PHF14: variants seen among roughly 807,000 people sequenced by gnomAD.
PHF14 encodes PHD finger protein 14.
A neutral mutation model predicts 117.9 loss-of-function variants in PHF14; 55 were observed. That is an observed-to-expected ratio of 0.47 (90% CI 0.38 to 0.58). The LOEUF (loss-of-function observed/expected upper bound fraction) is 0.58, where lower values mean the gene tolerates loss of function less well. PHF14 is among the 20% of genes least tolerant of loss of function. The pLI is 0.00. For synonymous variants in PHF14, 409 were observed against 368.6 expected (o/e 1.11, Z -1.26); for missense variants, 978 against 1,122.2 (o/e 0.87, Z 1.84).
intron 5 of PHF14, among the ~76,000 whole-genome samples, chr7:11,015,553 C>A (rs1783505534): frequency 6.6e-6 from 1 of 151,742 alleles, no homozygotes; most frequent in Admixed American, 6.6e-5. Flanking sequence ...GTTGGACTGT[C>A]TATGTTTGGA....
Position 10,985,636 on chromosome 7 carries a change from C to CCGGTT in PHF14, c.900+2477_900+2478insCGGTT, listed in dbSNP as rs750860479. Among the ~76,000 whole-genome samples the CCGGTT allele has an allele frequency of 2.2e-4, 20 of 90,862 alleles. 1 individual carries two copies. The East Asian group carries it at 3.7e-3, about 17-fold the overall frequency. 59.6% of individuals were successfully genotyped at this position (90,862 alleles called of 152,430 possible). ...ATACTCTCTAGCAGTGATTCTCAAA[C>CCGGTT]TGTTTTTTTTTTTTTTTTTTTTTTT... On this transcript the variant is annotated intron_variant, in intron 3 of 17. Coordinates refer to ENST00000634607, the MANE Select transcript of PHF14 (RefSeq NM_001007157.2).
At chr7:11,037,712 G>C (rs933075335) in intron 10 of PHF14, among the ~76,000 whole-genome samples, 5 of 152,116 alleles carry the variant, frequency 3.3e-5, no homozygotes, top group African/African-American at 1.2e-4. Flanking sequence ...AGTATAACTT[G>C]ACATATAAAA....
chr7:11,102,994 A>G, intron 16 of PHF14: 2 of 995,288 alleles, frequency 2.0e-6, no homozygotes, highest in South Asian at 8.9e-5. Flanking sequence ...ACAAACAAGA[A>G]AGACAATGCA....
At chr7:11,079,607 A>C (rs762510892) in intron 16 of PHF14, among the ~76,000 whole-genome samples, 18 of 152,150 alleles carry the variant, frequency 1.2e-4, no homozygotes, top group Non-Finnish European at 2.4e-4. Context: ...TCTTCATTAA[A>C]AAGAAACCAA....
At chr7:11,067,537 G>A (rs1785464286) in intron 16 of PHF14, among the ~76,000 whole-genome samples, 1 of 152,214 alleles carries the variant, frequency 6.6e-6, no homozygotes, top group Admixed American at 6.5e-5. Flanking sequence ...ATTCACAATA[G>A]CCAAAAGGTG....
intron 16 of PHF14, chr7:11,105,548 G>A (rs939795771): frequency 1.0e-6 from 1 of 979,764 alleles, no homozygotes; most frequent in Non-Finnish European, 1.2e-6. Flanking sequence ...ATTTAAAAAT[G>A]GCAATTGAAA....
rs549139223 is a variant in PHF14 at position 11,152,547 on chromosome 7, A to G, written c.2773-16869A>G. Reference sequence around the variant, plus strand: ...TTATTTACTTGATTCCCATGCTTCTATATAGTAAGGAATTCATTCATATAT... The same window carrying G: ...TTATTTACTTGATTCCCATGCTTCTGTATAGTAAGGAATTCATTCATATAT... On this transcript the variant is annotated intron_variant, in intron 17 of 17. Coordinates refer to ENST00000634607, the MANE Select transcript of PHF14 (RefSeq NM_001007157.2). Among the ~76,000 whole-genome samples, 16 of 152,292 alleles carry G rather than the reference A, an allele frequency of 1.1e-4. No homozygotes were observed. In the East Asian group the frequency reaches 2.7e-3, roughly 26 times the overall value.
chr7:10,974,356 G>C, intron 1 of PHF14, 32 bp downstream of exon 1: 2 of 1,573,314 alleles, frequency 1.3e-6, no homozygotes, highest in Non-Finnish European at 1.7e-6. Flanking sequence ...GCGGCGAGAG[G>C]TCCATTTCAG....
At chr7:10,977,392 A>G (rs1200135680) in intron 2 of PHF14, among the ~76,000 whole-genome samples, 2 of 152,170 alleles carry the variant, frequency 1.3e-5, no homozygotes, top group Non-Finnish European at 2.9e-5. Context: ...CCGTGGATCA[A>G]TTTCTTCTTA....
intron 16 of PHF14, among the ~76,000 whole-genome samples, chr7:11,081,322 C>T (rs1436924201): frequency 6.6e-6 from 1 of 152,128 alleles, no homozygotes; most frequent in Non-Finnish European, 1.5e-5. Context: ...TTGGAGGACT[C>T]TTTCCAGAGG....
intron 4 of PHF14, chr7:11,006,459 A>G (rs1194252914): frequency 7.4e-6 from 4 of 537,712 alleles, no homozygotes; most frequent in Admixed American, 3.8e-5. Flanking sequence ...CCAGTCGAAC[A>G]TATGCCTTCT....
chr7:11,051,532 G>A (rs1440103988), intron 13 of PHF14, 80 bp from the exon 14 acceptor site: 21 of 1,134,548 alleles, frequency 1.9e-5, no homozygotes, highest in Non-Finnish European at 2.5e-6. Flanking sequence ...TATATACCTG[G>A]ATTTTGTATT....
rs79997265 is a variant in PHF14, at chr7:11,166,352, A to G, written c.2773-3064A>G. On this transcript the variant is annotated intron_variant, in intron 17 of 17. Coordinates refer to ENST00000634607, the MANE Select transcript of PHF14 (RefSeq NM_001007157.2). Reference sequence around the variant, plus strand: ...GAGAAAAAAAAAAACCCTCCTGTATATCAGAAGAAATTTTTGCTTACCTAT... The same window carrying G: ...GAGAAAAAAAAAAACCCTCCTGTATGTCAGAAGAAATTTTTGCTTACCTAT... Among the ~76,000 whole-genome samples the G allele has an allele frequency of 2.9e-3, 446 of 151,916 alleles. 2 individuals are homozygous for G. The highest frequency in any genetic ancestry group is 0.01 in the African/African-American group (423 of 41,506).
intron 17 of PHF14, among the ~76,000 whole-genome samples, chr7:11,129,312 A>C (rs1220125153): frequency 6.6e-6 from 1 of 152,124 alleles, no homozygotes; most frequent in Non-Finnish European, 1.5e-5. Context: ...AAAAAAGACC[A>C]AGAAGATATC....
intron 17 of PHF14, among the ~76,000 whole-genome samples, chr7:11,166,765 C>T (rs189132350): frequency 8.9e-4 from 135 of 152,208 alleles, no homozygotes; most frequent in Non-Finnish European, 1.5e-3. Context: ...GAGATTGGCT[C>T]TTATTTGTTA....
intron 17 of PHF14, among the ~76,000 whole-genome samples, chr7:11,116,150 A>T (rs1166654302): frequency 6.6e-6 from 1 of 152,044 alleles, no homozygotes; most frequent in Non-Finnish European, 1.5e-5. Context: ...CTACAAATTC[A>T]GCTAATGAAA....
At chr7:11,120,957 A>AT (rs1787734755) in intron 17 of PHF14, among the ~76,000 whole-genome samples, 1 of 152,128 alleles carries the variant, frequency 6.6e-6, no homozygotes. Context: ...ATAAAGGCAT[A>AT]TTTTTTTCTT....
rs548301354 is a variant in PHF14, at chr7:11,168,712, G to C, written c.2773-704G>C. On this transcript the variant is annotated intron_variant, in intron 17 of 17. Transcript: ENST00000634607. Reference sequence around the variant, plus strand: ...TTGGGTGTGTTGAAAGAACATGTATGATGAGATGGGTTACAAATTGTAAGA... The same window carrying C: ...TTGGGTGTGTTGAAAGAACATGTATCATGAGATGGGTTACAAATTGTAAGA... Among the ~76,000 whole-genome samples the C allele has an allele frequency of 1.5e-3, 223 of 152,246 alleles. 2 individuals carry two copies. Among genetic ancestry groups the C allele is most frequent in the African/African-American group, 5.0e-3 (206 of 41,554 alleles).
chr7:11,086,492 T>C (rs111574057), intron 16 of PHF14, among the ~76,000 whole-genome samples: 2,015 of 152,346 alleles, frequency 0.013, 35 homozygotes, highest in African/African-American at 0.046. Context: ...CAATCACTTA[T>C]ACTTAGTCCA....
Sources: allele counts gnomAD v4.1 joint callset (sites outside exome capture counted in the v4.1 genomes callset), GRCh38; gene constraint gnomAD v4.1.1; transcripts MANE v1.5; gene names NCBI Gene and HGNC (gene_info 2026-07-23, HGNC 2026-07-21).